Variants in AFF3 observed in about 807,000 individuals in gnomAD.
The protein encoded by AFF3 is AF4/FMR2 family member 3.
AFF3 carries 32 observed loss-of-function variants against 129.7 expected under a neutral mutation model. The observed-to-expected ratio is 0.25, with a 90% CI of 0.19 to 0.33. The LOEUF (loss-of-function observed/expected upper bound fraction) is 0.33, where lower values mean the gene tolerates loss of function less well. Ranked by LOEUF, AFF3 falls within the 10% of genes least tolerant of loss-of-function variation. AFF3 has a pLI of 1.00. For missense variants in AFF3, 1,373 were observed against 1,592.0 expected (o/e 0.86, Z 2.34); for synonymous variants, 644 against 635.4 (o/e 1.01, Z -0.20).
chr2:99,987,322 C>G (rs1275950228), intron 7 of AFF3, among the ~76,000 whole-genome samples: 1 of 152,168 alleles, frequency 6.6e-6, no homozygotes, highest in East Asian at 1.9e-4. Flanking sequence ...CGATGTGTAC[C>G]TAGCACAATG....
chr2:99,643,055 A>ATTTTTTT (rs34572652), intron 13 of AFF3, among the ~76,000 whole-genome samples: 11 of 100,862 alleles, frequency 1.1e-4, no homozygotes, highest in East Asian at 3.0e-4. Context: ...TACTTAAAAG[A>ATTTTTTT]TTTTTTTTTT....
chr2:99,921,510 G>C (rs1220300358), intron 7 of AFF3, among the ~76,000 whole-genome samples: 2 of 152,010 alleles, frequency 1.3e-5, no homozygotes, highest in African/African-American at 4.8e-5. Context: ...TTCATTTCTT[G>C]GTTTTAATAA....
chr2:100,005,148 C>T (rs1681847490), intron 7 of AFF3, among the ~76,000 whole-genome samples: 1 of 152,146 alleles, frequency 6.6e-6, no homozygotes. Flanking sequence ...AAAGGGCATC[C>T]TGAAAGTGTC....
chr2:99,586,019 G>A (rs933693139), intron 16 of AFF3, among the ~76,000 whole-genome samples: 1 of 152,146 alleles, frequency 6.6e-6, no homozygotes, highest in African/African-American at 2.4e-5. Flanking sequence ...GTGAGCCACC[G>A]CACCCGGCCA....
chr2:99,695,938 G>GAAAAAAAAAAAAAAAAAAAAAACAAA (rs1676196316), intron 11 of AFF3, among the ~76,000 whole-genome samples: 3 of 57,648 alleles, frequency 5.2e-5, no homozygotes, highest in Admixed American at 2.7e-4. Context: ...CTGGAAAAAT[G>GAAAAAAAAAAAAAAAAAAAAAACAAA]AAAAAAAAAA....
chr2:99,896,632 T>TTTTTTTC lies in AFF3; in HGVS notation c.874-59109_874-59108insGAAAAAA, dbSNP rs1693980058. Reference sequence around the variant, plus strand: ...CCCTGTCAAAATGCTTTTTTTTTTTTTTTTTTTTTTTTTTTTTTTTGGAGA... The same window carrying TTTTTTTC: ...CCCTGTCAAAATGCTTTTTTTTTTTTTTTTTTCTTTTTTTTTTTTTTTTTTTTGGAGA... On this transcript the variant is annotated intron_variant, in intron 7 of 24. Transcript: ENST00000672756. Among the ~76,000 whole-genome samples, 3 of 112,078 alleles carry TTTTTTTC rather than the reference T, an allele frequency of 2.7e-5. No individual in the cohort carries two copies. The South Asian group carries it at 1.0e-3, about 39-fold the overall frequency. 73.5% of individuals were successfully genotyped at this position (112,078 alleles called of 152,430 possible). A position where few individuals can be genotyped will look rare whatever the true frequency, so the allele number is the denominator to read the frequency against.
intron 15 of AFF3, among the ~76,000 whole-genome samples, chr2:99,588,810 C>T (rs981975416): frequency 4.6e-5 from 7 of 152,162 alleles, no homozygotes; most frequent in Non-Finnish European, 1.0e-4. Context: ...TCTATGGGGT[C>T]CCATCTCCAG....
chr2:100,116,287 T>C (rs1471304423), intron 2 of AFF3, among the ~76,000 whole-genome samples: 2 of 152,136 alleles, frequency 1.3e-5, no homozygotes, highest in African/African-American at 4.8e-5. Flanking sequence ...GCTTTTTTTT[T>C]TAACTCAGCC....
intron 13 of AFF3, among the ~76,000 whole-genome samples, chr2:99,614,285 T>C (rs1163067734): frequency 6.6e-6 from 1 of 152,228 alleles, no homozygotes. Context: ...AACTCAGTAA[T>C]ACAGGAGGTC....
At chr2:99,860,345 A>C (rs1002131647) in intron 7 of AFF3, among the ~76,000 whole-genome samples, 3 of 152,072 alleles carry the variant, frequency 2.0e-5, no homozygotes, top group African/African-American at 7.2e-5. Context: ...CGAGGTCAGG[A>C]GATTGAGACC....
intron 4 of AFF3, among the ~76,000 whole-genome samples, chr2:100,054,643 T>G (rs1686621346): frequency 6.6e-6 from 1 of 152,210 alleles, no homozygotes; most frequent in African/African-American, 2.4e-5. Context: ...CTTGTTGACC[T>G]CCATAATCAC....
chr2:99,892,573 G>C (rs958790071), intron 7 of AFF3, among the ~76,000 whole-genome samples: 1 of 152,108 alleles, frequency 6.6e-6, no homozygotes, highest in Non-Finnish European at 1.5e-5. Flanking sequence ...CTGAAAGAAA[G>C]CAGGCCTACT....
intron 13 of AFF3, among the ~76,000 whole-genome samples, chr2:99,635,249 C>T (rs79847185): frequency 0.031 from 4,624 of 151,382 alleles, 111 homozygotes; most frequent in South Asian, 0.046. Context: ...ATATACGTAT[C>T]ACATCTATGT....
chr2:99,719,328 G>A (rs1678678997), intron 11 of AFF3, among the ~76,000 whole-genome samples: 2 of 152,120 alleles, frequency 1.3e-5, no homozygotes, highest in South Asian at 4.2e-4. Flanking sequence ...TTATTTTCAT[G>A]CGTCACTGAA....
chr2:99,681,914 T>TC lies in AFF3; in HGVS notation c.1092-9326_1092-9325insG, dbSNP rs1003010603. Among the ~76,000 whole-genome samples the TC allele has an allele frequency of 3.3e-5, 5 of 151,212 alleles. No individual in the cohort carries two copies. The East Asian group carries it at 5.8e-4, about 18-fold the overall frequency. ...GAACCACTGCCTTAATTCTATTTTT[T>TC]TTTTTTTTTTGAGACGGAGTCTCGT... On this transcript the variant is annotated intron_variant, in intron 11 of 24. Coordinates refer to ENST00000672756, the MANE Select transcript of AFF3 (RefSeq NM_001386135.1).
intron 5 of AFF3, 43 bp from the exon 6 acceptor site, chr2:100,007,503 A>G (rs1379040110): frequency 6.5e-7 from 1 of 1,545,346 alleles, no homozygotes; most frequent in Non-Finnish European, 8.8e-7. Context: ...TAGAGACAAC[A>G]GAAACACCGG....
chr2:100,016,220 T>C (rs1404216951), intron 4 of AFF3, among the ~76,000 whole-genome samples: 2 of 150,180 alleles, frequency 1.3e-5, no homozygotes, highest in African/African-American at 4.9e-5. Flanking sequence ...ATGGCAATGG[T>C]AGTGGCGGTG....
intron 4 of AFF3, chr2:100,011,652 G>A: frequency 3.9e-6 from 3 of 763,468 alleles, no homozygotes; most frequent in Admixed American, 1.7e-5. Flanking sequence ...GCATGAGTCT[G>A]TCAGCATATT....
At chr2:99,667,101 C>G (rs1686740671) in intron 12 of AFF3, among the ~76,000 whole-genome samples, 1 of 152,128 alleles carries the variant, frequency 6.6e-6, no homozygotes, top group Admixed American at 6.5e-5. Context: ...TTTTAAGTGC[C>G]TATAAAACAT....
Sources: allele counts gnomAD v4.1 joint callset (sites outside exome capture counted in the v4.1 genomes callset), GRCh38; gene constraint gnomAD v4.1.1; transcripts MANE v1.5; gene names NCBI Gene and HGNC (gene_info 2026-07-23, HGNC 2026-07-21).